Variants in ATXN2L observed in about 807,000 individuals in gnomAD.
ATXN2L encodes ataxin 2 like.
A neutral mutation model predicts 120.7 loss-of-function variants in ATXN2L; 24 were observed. The ratio of observed to expected loss-of-function variants is 0.20; its 90% confidence interval spans 0.14 to 0.28. The LOEUF (loss-of-function observed/expected upper bound fraction) is 0.28, where lower values mean the gene tolerates loss of function less well. Among genes scored for constraint, ATXN2L ranks in the 10% least tolerant of loss-of-function variants. The pLI is 1.00. For missense variants in ATXN2L, 1,312 were observed against 1,432.3 expected (o/e 0.92, Z 1.36); for synonymous variants, 653 against 568.1 (o/e 1.15, Z -2.13).
chr16:28,833,077 C>T lies in ATXN2L; in HGVS notation c.1678C>T (p.Pro560Ser), dbSNP rs2055131769. Residue 560 changes from proline to serine, a missense_variant, in exon 14 of 22, where the codon CCT (proline) becomes TCT (serine). Pro to Ser is a moderately conservative substitution (Grantham distance 74, BLOSUM62 -1). Transcript: ENST00000336783. ...AQFKLQPSSSPENSLDPFPPR... is the reference protein window; with the variant it reads ...AQFKLQPSSSSENSLDPFPPR... ...CTTCCAGCTTCAGCCCAGTAGCTCCCCTGAGAACAGCCTGGATCCTTTTCC... is the reference window on the plus strand; with the variant it reads ...CTTCCAGCTTCAGCCCAGTAGCTCCTCTGAGAACAGCCTGGATCCTTTTCC... 2 of 1,614,024 alleles carry T rather than the reference C, an allele frequency of 1.2e-6. No individual in the cohort carries two copies. Among genetic ancestry groups the T allele is most frequent in the South Asian group, 2.2e-5 (2 of 91,080 alleles).
In ATXN2L at chr16:28,825,621, C is replaced by T; in HGVS notation, c.337-3C>T. 6.2e-7 allele frequency: 1 copy of T among 1,613,596 alleles called. No individual in the cohort carries two copies. The highest frequency in any genetic ancestry group is 8.5e-7 in the Non-Finnish European group (1 of 1,179,524). On this transcript the variant is annotated splice_polypyrimidine_tract_variant and splice_region_variant and intron_variant, in intron 2 of 21. Coordinates refer to ENST00000336783, the MANE Select transcript of ATXN2L (RefSeq NM_007245.4). Reference sequence around the variant, plus strand: ...TAATTCTCCCTCTTATGTTAACTGACAGGTGTTTGAAGGCGTCTACAACAA... The same window carrying T: ...TAATTCTCCCTCTTATGTTAACTGATAGGTGTTTGAAGGCGTCTACAACAA...
rs1302708721 is a variant in ATXN2L, at chr16:28,835,059, C to A, written c.2435C>A (p.Pro812Gln). ...CCACTCCTCTCTCTGTCCCGCCAGC[C>A]GGTGTTTGCCCCCATGCTTCAGAGC... is the stretch of plus-strand genomic sequence containing the variant. Reference protein sequence around the residue: ...MQPMAHYPSQPVFAPMLQSNP... With the variant: ...MQPMAHYPSQQVFAPMLQSNP... Residue 812 changes from proline (P) to glutamine (Q), a missense_variant and splice_region_variant, in exon 19 of 22, where the codon CCG becomes CAG. Coordinates refer to ENST00000336783, the MANE Select transcript of ATXN2L (RefSeq NM_007245.4). The A allele has an allele frequency of 6.2e-7, 1 of 1,610,092 alleles. No individual in the cohort carries two copies. Among genetic ancestry groups the A allele is most frequent in the Non-Finnish European group, 8.5e-7 (1 of 1,178,000 alleles).
chr16:28,834,560 T>C lies in ATXN2L; in HGVS notation c.2300T>C (p.Met767Thr). 1.2e-6 allele frequency: 2 copies of C among 1,612,666 alleles called. No homozygotes were observed. The highest frequency in any genetic ancestry group is 2.2e-5 in the East Asian group (1 of 44,886). Residue 767 changes from methionine (M) to threonine (T), a missense_variant, in exon 18 of 22, where the codon ATG becomes ACG. Transcript: ENST00000336783. The part of the protein sequence containing the change: ...DQHQPASAPP[M>T]MQAAAAAGPP... The stretch of plus-strand genomic sequence containing the variant: ...CACCAGCCAGCCTCAGCCCCGCCGA[T>C]GATGCAGGCCGCCGCGGCTGCTGGC...
chr16:28,824,671 C>A, intron 1 of ATXN2L: 1 of 1,022,388 alleles, frequency 9.8e-7, no homozygotes, highest in Non-Finnish European at 1.3e-6. Context: ...GGTAATGTAC[C>A]TGAGCTAGGT....
At position 28,836,654 on chromosome 16, in the gene ATXN2L, T is replaced by C; in HGVS notation, c.*389T>C. ...CCCAGACACACCCCCACGCCCCCAC[T>C]GGACGGCATTGGAGGAAGGGACAGC... is the stretch of plus-strand genomic sequence containing the variant. On this transcript the variant is annotated 3_prime_UTR_variant, in exon 22 of 22. Coordinates refer to ENST00000336783, the MANE Select transcript of ATXN2L (RefSeq NM_007245.4). The C allele has an allele frequency of 6.2e-7, 1 of 1,611,628 alleles. No individual in the cohort carries two copies. The highest frequency in any genetic ancestry group is 1.1e-5 in the South Asian group (1 of 90,946).
rs141234325 is a variant in ATXN2L, at chr16:28,833,982, G to A, written c.2026-83G>A. On this transcript the variant is annotated intron_variant, in intron 15 of 21. Transcript: ENST00000336783. ...ATATGTTTGGTATGCAGCATTTCAC[G>A]AATGTTAATTATTACCACTCTAGGC... 1.2e-4 allele frequency: 171 copies of A among 1,473,576 alleles called. 1 individual carries two copies. The highest frequency in any genetic ancestry group is 8.4e-4 in the Admixed American group (43 of 51,396). 91.3% of individuals were successfully genotyped at this position (1,473,576 alleles called of 1,614,324 possible).
chr16:28,830,410 G>C (rs951456221), intron 8 of ATXN2L, among the ~76,000 whole-genome samples: 4 of 152,158 alleles, frequency 2.6e-5, no homozygotes, highest in Non-Finnish European at 5.9e-5. Flanking sequence ...AGGTTGGTTG[G>C]CTCAGAGTTG....
chr16:28,836,118 C>G lies in ATXN2L; in HGVS notation c.3081C>G (p.Pro1027=), dbSNP rs747031718. ...TPSPYPYIGH[P]QGEQPGQAPG... ...CACCCTACCCCTACATCGGACACCC[C>G]CAAGGTGAGCAGCCTGGCCAGGCGC... is the stretch of plus-strand genomic sequence containing the variant. Residue 1027 remains proline (P), a synonymous_variant, in exon 22 of 22, where the codon CCC becomes CCG. Transcript: ENST00000336783. The G allele has an allele frequency of 9.9e-6, 16 of 1,614,036 alleles. No homozygotes were observed. Among genetic ancestry groups the G allele is most frequent in the Non-Finnish European group, 1.2e-5 (14 of 1,180,026 alleles).
chr16:28,823,239 C>A lies in ATXN2L; in HGVS notation c.-21C>A. 3 of 1,410,784 alleles carry A rather than the reference C, an allele frequency of 2.1e-6. No individual in the cohort carries two copies. Among genetic ancestry groups the A allele is most frequent in the Non-Finnish European group, 2.8e-6 (3 of 1,076,740 alleles). The allele number at this position is 1,410,784 out of a possible 1,614,324, so 87.4% of individuals were successfully genotyped here. Reference sequence around the variant, plus strand: ...CTCTCTCCCTCCCTTCTCTCTAATTCCCCTTCCGGACGCTGCCATCATGTT... The same window carrying A: ...CTCTCTCCCTCCCTTCTCTCTAATTACCCTTCCGGACGCTGCCATCATGTT... On this transcript the variant is annotated 5_prime_UTR_variant, in exon 1 of 22. Transcript: ENST00000336783.
At position 28,832,388 on chromosome 16, in the gene ATXN2L, C is replaced by T; in HGVS notation, c.1505C>T (p.Ala502Val). The T allele has an allele frequency of 6.2e-7, 1 of 1,614,036 alleles. No individual in the cohort carries two copies. The highest frequency in any genetic ancestry group is 8.5e-7 in the Non-Finnish European group (1 of 1,179,932). The change falls in exon 11 of 22, where the codon GCC (alanine) becomes GTC (valine). Residue 502 changes from alanine to valine, a missense_variant. Coordinates refer to ENST00000336783, the MANE Select transcript of ATXN2L (RefSeq NM_007245.4). ...CCAGCTTCTCCAAAGATCTCCCTGG[C>T]CCCCACAGATGGTAAGAGCTAGGTG... ...ISPASPKISL[A>V]PTDVKELSTK...
chr16:28,825,237 A>T, intron 1 of ATXN2L, 129 bp from the exon 2 acceptor site: 1 of 908,324 alleles, frequency 1.1e-6, no homozygotes, highest in Non-Finnish European at 1.7e-6. Flanking sequence ...GAAAAATCTT[A>T]CTGATTAACA....
rs1190007992 is a variant in ATXN2L, at chr16:28,834,138, C to G, written c.2099C>G (p.Ala700Gly). The change falls in exon 16 of 22, where the codon GCA (alanine) becomes GGA (glycine). Residue 700 changes from alanine (A) to glycine (G), a missense_variant. Physicochemically the swap from Ala to Gly is moderately conservative, Grantham distance 60 (BLOSUM62 0). Transcript: ENST00000336783. ...ACTCCCTCCATCCCGGTGCTGACAG[C>G]AGGCCAGAGTGGGCTATACAGCCCC... ...HSTPSIPVLT[A>G]GQSGLYSPQY... is the part of the protein sequence containing the mutation. The G allele has an allele frequency of 6.2e-7, 1 of 1,614,070 alleles. No individual in the cohort carries two copies. The highest frequency in any genetic ancestry group is 1.3e-5 in the African/African-American group (1 of 74,922).
rs1960279170 is a variant in ATXN2L at position 28,835,676 on chromosome 16, G to C, written c.2813G>C (p.Ser938Thr). The C allele has an allele frequency of 1.2e-6, 2 of 1,614,010 alleles. No individual in the cohort carries two copies. Among genetic ancestry groups the C allele is most frequent in the East Asian group, 4.5e-5 (2 of 44,862 alleles). Residue 938 changes from serine to threonine, a missense_variant, in exon 21 of 22, where the codon AGC (serine) becomes ACC (threonine). By Grantham distance (58) the Ser-to-Thr change is moderately conservative (BLOSUM62 1). Transcript: ENST00000336783. ...CCTTCTGCCCAGTCCCCTCAGAGCA[G>C]CTTCCCCCAGCCAGCCGCTGTGTAT... ...PGPSAQSPQS[S>T]FPQPAAVYAI...
In ATXN2L at chr16:28,833,313, C is replaced by T; in HGVS notation, c.1914C>T (p.Gly638=). ...CPSQTGSPPV[G]LIKGEDKDEG... Reference sequence around the variant, plus strand: ...GCCAAACTGGCAGCCCCCCGGTGGGCCTCATCAAGGGAGAAGACAAAGATG... The same window carrying T: ...GCCAAACTGGCAGCCCCCCGGTGGGTCTCATCAAGGGAGAAGACAAAGATG... The change falls in exon 14 of 22, where the codon GGC becomes GGT. Residue 638 remains glycine (G), a synonymous_variant. Transcript: ENST00000336783. 2 of 1,613,974 alleles carry T rather than the reference C, an allele frequency of 1.2e-6. No homozygotes were observed.
intron 5 of ATXN2L, 107 bp from the exon 6 acceptor site, chr16:28,826,755 T>C: frequency 7.4e-7 from 1 of 1,355,026 alleles, no homozygotes; most frequent in South Asian, 1.9e-5. Flanking sequence ...ACTCTGGACT[T>C]CTTAAACTTT....
Position 28,830,647 on chromosome 16 carries a change from T to C in ATXN2L, c.1067T>C (p.Val356Ala), listed in dbSNP as rs1339692887. 2 of 1,610,102 alleles carry C rather than the reference T, an allele frequency of 1.2e-6. No homozygotes were observed. The highest frequency in any genetic ancestry group is 8.5e-7 in the Non-Finnish European group (1 of 1,178,336). Reference protein sequence around the residue: ...EGKYIPLPQRVREGPRGGVRC... With the variant: ...EGKYIPLPQRAREGPRGGVRC... ...AAGTATATCCCTCTGCCTCAACGAG[T>C]CCGGGAAGGTCCCCGGGGAGGAGTT... Residue 356 changes from valine (V) to alanine (A), a missense_variant, in exon 9 of 22, where the codon GTC becomes GCC. By Grantham distance (64) the Val-to-Ala change is moderately conservative (BLOSUM62 0). Transcript: ENST00000336783.
rs529182697 is a variant in ATXN2L, at chr16:28,823,240, C to T, written c.-20C>T. The T allele has an allele frequency of 1.1e-5, 15 of 1,427,168 alleles. No individual in the cohort carries two copies. Among genetic ancestry groups the T allele is most frequent in the African/African-American group, 3.0e-5 (2 of 67,354 alleles). 88.4% of individuals were successfully genotyped at this position (1,427,168 alleles called of 1,614,324 possible). A position where few individuals can be genotyped will look rare whatever the true frequency, so the allele number is the denominator to read the frequency against. On this transcript the variant is annotated 5_prime_UTR_variant, in exon 1 of 22. Coordinates refer to ENST00000336783, the MANE Select transcript of ATXN2L (RefSeq NM_007245.4). ...TCTCTCCCTCCCTTCTCTCTAATTC[C>T]CCTTCCGGACGCTGCCATCATGTTG... is the stretch of plus-strand genomic sequence containing the variant.
intron 15 of ATXN2L, chr16:28,833,830 C>T: frequency 3.1e-6 from 2 of 643,956 alleles, no homozygotes; most frequent in East Asian, 2.8e-5. Flanking sequence ...GCTGACTTGG[C>T]TTGAGCCCCT....
At chr16:28,826,711 C>T in intron 5 of ATXN2L, 151 bp from the exon 6 acceptor site, 2 of 917,424 alleles carry the variant, frequency 2.2e-6, no homozygotes, top group South Asian at 2.4e-5. Flanking sequence ...CTTGCCTCCC[C>T]ACCCCCTGGC....
Sources: allele counts gnomAD v4.1 joint callset (sites outside exome capture counted in the v4.1 genomes callset), GRCh38; gene constraint gnomAD v4.1.1; transcripts MANE v1.5; gene names NCBI Gene and HGNC (gene_info 2026-07-23, HGNC 2026-07-21).